The following PHKB variants were observed in gnomAD, a reference collection of about 807,000 sequenced individuals.
PHKB encodes the protein phosphorylase b kinase regulatory subunit beta.
Under a neutral mutation model 152.1 loss-of-function variants are expected in PHKB, and 122 were observed. The ratio of observed to expected loss-of-function variants is 0.80; its 90% CI spans 0.69 to 0.93. PHKB has a LOEUF of 0.93. PHKB is among the 40% of genes least tolerant of loss of function. The pLI is 0.00. For missense variants in PHKB, 1,304 were observed against 1,328.4 expected, an observed-to-expected ratio of 0.98 and a Z score of 0.29; for synonymous variants, 436 against 464.9, an observed-to-expected ratio of 0.94 and a Z score of 0.80.
chr16:47,650,626 G>A lies in PHKB; in HGVS notation c.1880G>A (p.Arg627Lys), dbSNP rs1973220152. The change falls in exon 19 of 31, where the codon AGA becomes AAA. Residue 627 changes from arginine to lysine, a missense_variant and splice_region_variant. Arg to Lys is a conservative substitution (Grantham distance 26, BLOSUM62 2). Transcript: ENST00000323584. ...GTTCTCATCCGGGAAGACAATATAA[G>A]GTAGGTTGATAAAAGAAGTAAGGTA... ...FLVLIREDNI[R>K]GSRFNPILDM... 11 of 1,596,174 alleles carry A rather than the reference G, an allele frequency of 6.9e-6. No homozygotes were observed. The highest frequency in any genetic ancestry group is 9.5e-6 in the Non-Finnish European group (11 of 1,163,818).
intron 4 of PHKB, among the ~76,000 whole-genome samples, chr16:47,506,986 T>A (rs1970431380): frequency 6.6e-6 from 1 of 152,092 alleles, no homozygotes; most frequent in Admixed American, 6.5e-5. Context: ...GTTTGGCTGG[T>A]TTTTTGAGAC....
At chr16:47,586,307 C>T (rs1186488248) in intron 8 of PHKB, among the ~76,000 whole-genome samples, 1 of 152,204 alleles carries the variant, frequency 6.6e-6, no homozygotes, top group Non-Finnish European at 1.5e-5. Flanking sequence ...GCAGAGTGCA[C>T]AGTACCTTGC....
intron 7 of PHKB, chr16:47,566,649 G>A: frequency 3.0e-6 from 3 of 1,012,032 alleles, no homozygotes; most frequent in Non-Finnish European, 4.7e-6. Flanking sequence ...GTCGATATTG[G>A]GTTCCCAAGC....
intron 27 of PHKB, among the ~76,000 whole-genome samples, chr16:47,691,345 GATTA>G (rs1348601467): frequency 2.0e-5 from 3 of 152,244 alleles, no homozygotes; most frequent in South Asian, 2.1e-4. Context: ...TAGATCCATA[GATTA>G]ATTAATAGTA....
At chr16:47,647,275 C>T (rs1449076237) in intron 16 of PHKB, among the ~76,000 whole-genome samples, 1 of 152,044 alleles carries the variant, frequency 6.6e-6, no homozygotes, top group Non-Finnish European at 1.5e-5. Context: ...AGCCATGTGT[C>T]ACCACGCCCG....
intron 26 of PHKB, among the ~76,000 whole-genome samples, chr16:47,676,855 C>CT (rs765644152): frequency 1.1e-4 from 17 of 152,242 alleles, no homozygotes; most frequent in Non-Finnish European, 2.4e-4. Context: ...CAATCAACTA[C>CT]TTTCTGCTGC....
chr16:47,585,660 G>T (rs765747984), intron 8 of PHKB, among the ~76,000 whole-genome samples: 47 of 152,164 alleles, frequency 3.1e-4, no homozygotes, highest in Admixed American at 1.6e-3. Context: ...TTTGGTCTTG[G>T]TGTTAAAATA....
intron 23 of PHKB, among the ~76,000 whole-genome samples, chr16:47,662,760 TCA>T (rs1973466192): frequency 6.6e-6 from 1 of 152,300 alleles, no homozygotes; most frequent in Non-Finnish European, 1.5e-5. Context: ...AAGCAGAATC[TCA>T]GTTATATTTA....
chr16:47,492,218 T>C (rs926428952), intron 1 of PHKB, among the ~76,000 whole-genome samples: 1 of 152,140 alleles, frequency 6.6e-6, no homozygotes, highest in African/African-American at 2.4e-5. Context: ...TAAAACAGAA[T>C]GGAGGCCTGC....
At chr16:47,537,004 G>A (rs1425355660) in intron 6 of PHKB, among the ~76,000 whole-genome samples, 3 of 152,186 alleles carry the variant, frequency 2.0e-5, no homozygotes, top group African/African-American at 7.2e-5. Flanking sequence ...GGTTCCTGTC[G>A]GAGGATTGTG....
chr16:47,652,409 A>T, intron 20 of PHKB, among the ~76,000 whole-genome samples: 1 of 146,956 alleles, frequency 6.8e-6, no homozygotes, highest in Non-Finnish European at 1.5e-5. Context: ...ATACATACAC[A>T]GTAATAGGAT....
chr16:47,654,279 G>A (rs1250736823), intron 20 of PHKB, among the ~76,000 whole-genome samples: 2 of 152,080 alleles, frequency 1.3e-5, no homozygotes, highest in African/African-American at 2.4e-5. Flanking sequence ...TTAAAATGGC[G>A]ATCATTAAAA....
At chr16:47,469,086 C>T (rs573756379) in intron 1 of PHKB, among the ~76,000 whole-genome samples, 10 of 152,130 alleles carry the variant, frequency 6.6e-5, no homozygotes, top group Admixed American at 6.5e-4. Context: ...TCATCTTCAT[C>T]CACTAGAATA....
At chr16:47,593,909 A>G (rs555002905) in intron 11 of PHKB, among the ~76,000 whole-genome samples, 1 of 152,324 alleles carries the variant, frequency 6.6e-6, no homozygotes, top group Middle Eastern at 3.4e-3. Flanking sequence ...AATAGGGAAA[A>G]TTCAATTAAA....
intron 26 of PHKB, among the ~76,000 whole-genome samples, chr16:47,684,936 A>G (rs994471139): frequency 6.6e-6 from 1 of 152,214 alleles, no homozygotes; most frequent in Admixed American, 6.5e-5. Context: ...AGTCGTGTGT[A>G]TCTACCTTCT....
At chr16:47,479,156 G>A (rs186195259) in intron 1 of PHKB, among the ~76,000 whole-genome samples, 2 of 152,256 alleles carry the variant, frequency 1.3e-5, no homozygotes, top group East Asian at 3.9e-4. Context: ...CGGTTTTAGG[G>A]CCGAGGCTGG....
chr16:47,545,570 C>T (rs1971146230), intron 6 of PHKB, among the ~76,000 whole-genome samples: 1 of 152,090 alleles, frequency 6.6e-6, no homozygotes, highest in South Asian at 2.1e-4. Flanking sequence ...AATTATGTGT[C>T]TTGAGGTTGC....
At chr16:47,575,210 G>A (rs549408589) in intron 7 of PHKB, among the ~76,000 whole-genome samples, 12 of 152,300 alleles carry the variant, frequency 7.9e-5, no homozygotes, top group African/African-American at 2.9e-4. Context: ...CTAACATATT[G>A]GAAGGGTTTG....
intron 6 of PHKB, among the ~76,000 whole-genome samples, chr16:47,527,358 G>A (rs1006106993): frequency 6.6e-6 from 1 of 151,948 alleles, no homozygotes; most frequent in African/African-American, 2.4e-5. Flanking sequence ...CAAATATAAA[G>A]GTAGGATAGA....
Sources: gnomAD v4.1 joint callset for allele counts (sites outside exome capture counted in the v4.1 genomes callset) on GRCh38, gnomAD v4.1.1 for gene constraint, MANE v1.5 for transcripts, NCBI Gene and HGNC (gene_info 2026-07-23, HGNC 2026-07-21) for gene names.